The following RPTOR variants were observed in gnomAD, a reference collection of about 807,000 sequenced individuals.
RPTOR encodes the protein regulatory associated protein of MTOR complex 1.
A neutral mutation model predicts 169.9 loss-of-function variants in RPTOR; 21 were observed. The ratio of observed to expected loss-of-function variants is 0.12; its 90% CI spans 0.09 to 0.18. The LOEUF (loss-of-function observed/expected upper bound fraction) is 0.18. Ranked by LOEUF, RPTOR falls within the 10% of genes least tolerant of loss-of-function variation. The pLI, the probability that RPTOR is intolerant of heterozygous loss-of-function variation, is 1.00. For synonymous variants in RPTOR, 732 were observed against 753.2 expected (o/e 0.97, Z 0.46); for missense variants, 1,133 against 1,855.9 (o/e 0.61, Z 7.16).
intron 13 of RPTOR, among the ~76,000 whole-genome samples, chr17:80,877,419 AG>A (rs1466527936): frequency 6.6e-6 from 1 of 152,258 alleles, no homozygotes; most frequent in Non-Finnish European, 1.5e-5. Flanking sequence ...TGACCGTATC[AG>A]AACAGACATC....
At chr17:80,763,409 G>T (rs2066754662) in intron 6 of RPTOR, among the ~76,000 whole-genome samples, 1 of 152,220 alleles carries the variant, frequency 6.6e-6, no homozygotes, top group African/African-American at 2.4e-5. Context: ...AAAGAAAAAT[G>T]TTGTATTGTG....
rs1166740196 is a variant in RPTOR at position 80,708,937 on chromosome 17, T to C, written c.507+938T>C. The stretch of plus-strand genomic sequence containing the variant: ...GTGTGGACACCGCCTCCTGCCATCA[T>C]AGTGAGGACTCTGACTCCGTTTCTT... On this transcript the variant is annotated intron_variant, in intron 4 of 33. Coordinates refer to ENST00000306801, the MANE Select transcript of RPTOR (RefSeq NM_020761.3). The surrounding 1 kb of genome is among the most constrained non-coding windows in gnomAD (Gnocchi z 4.2). 5.1e-6 allele frequency: 5 copies of C among 985,768 alleles called. No individual in the cohort carries two copies. The highest frequency in any genetic ancestry group is 6.0e-6 in the Non-Finnish European group (5 of 829,910). The allele number at this position is 985,768 out of a possible 1,614,324, so 61.1% of individuals were successfully genotyped here. A position where few individuals can be genotyped will look rare whatever the true frequency, so the allele number is the denominator to read the frequency against.
intron 1 of RPTOR, among the ~76,000 whole-genome samples, chr17:80,612,069 G>A (rs773799824): frequency 7.2e-5 from 11 of 152,224 alleles, no homozygotes; most frequent in Non-Finnish European, 1.5e-4. Context: ...CATTACACCA[G>A]GAAGTGATCA....
chr17:80,755,362 A>G (rs2066669977), intron 6 of RPTOR, among the ~76,000 whole-genome samples: 1 of 152,152 alleles, frequency 6.6e-6, no homozygotes, highest in Non-Finnish European at 1.5e-5. Context: ...GCACTTTAGG[A>G]GGCTGAGGCA....
At position 80,728,026 on chromosome 17, in the gene RPTOR, GATGGATGGATGGATGA is replaced by G. The variant is rs985518120; in HGVS notation, c.508-2519_508-2504del. Among the ~76,000 whole-genome samples, 3 of 152,148 alleles carry G rather than the reference GATGGATGGATGGATGA, an allele frequency of 2.0e-5. No homozygotes were observed. In the East Asian group the frequency reaches 5.8e-4, roughly 29 times the overall value. ...GAATGGATGAATGAATGGATGGGCGGATGGATGGATGGATGAATGGATGGATGGATCGATAGGTAGA... is the reference window on the plus strand; with the variant it reads ...GAATGGATGAATGAATGGATGGGCGGATGGATGGATGGATCGATAGGTAGA... On this transcript the variant is annotated intron_variant, in intron 4 of 33. Transcript: ENST00000306801.
At chr17:80,615,540 G>A (rs542769330) in intron 1 of RPTOR, among the ~76,000 whole-genome samples, 2 of 152,310 alleles carry the variant, frequency 1.3e-5, no homozygotes, top group South Asian at 2.1e-4. Flanking sequence ...TCCCCATGGG[G>A]CATCTTAATG....
intron 2 of RPTOR, among the ~76,000 whole-genome samples, chr17:80,629,269 T>A (rs1264302586): frequency 6.6e-6 from 1 of 150,924 alleles, no homozygotes; most frequent in Non-Finnish European, 1.5e-5. Flanking sequence ...CTATGTATTG[T>A]GCTGTTGGAC....
chr17:80,648,505 C>A (rs985389990), intron 3 of RPTOR, among the ~76,000 whole-genome samples: 7 of 151,922 alleles, frequency 4.6e-5, no homozygotes, highest in African/African-American at 1.5e-4. Context: ...AACTGTGAAA[C>A]CCTTGGTATT....
chr17:80,628,644 T>A (rs979189574), intron 2 of RPTOR, among the ~76,000 whole-genome samples: 1 of 149,726 alleles, frequency 6.7e-6, no homozygotes, highest in Non-Finnish European at 1.5e-5. Flanking sequence ...CTCCCCACCC[T>A]TTTTTTTTTC....
chr17:80,738,166 A>G (rs3843963), intron 5 of RPTOR, among the ~76,000 whole-genome samples: 84,012 of 152,134 alleles, frequency 0.55, 23,453 homozygotes, highest in African/African-American at 0.59. Context: ...GGGCAGCCCC[A>G]GGGGGAGCAG....
intron 1 of RPTOR, 52 bp from the exon 2 acceptor site, chr17:80,625,639 A>G: frequency 7.3e-7 from 1 of 1,372,716 alleles, no homozygotes; most frequent in Non-Finnish European, 1.0e-6. Context: ...AAAAACACAT[A>G]AACGAGTTCC....
At chr17:80,608,584 T>C (rs2065245201) in intron 1 of RPTOR, among the ~76,000 whole-genome samples, 2 of 152,196 alleles carry the variant, frequency 1.3e-5, no homozygotes, top group Admixed American at 6.5e-5. Flanking sequence ...CGGACGTGAC[T>C]GAGGCGACAG....
chr17:80,688,201 A>C (rs1422080328), intron 3 of RPTOR, among the ~76,000 whole-genome samples: 1 of 152,150 alleles, frequency 6.6e-6, no homozygotes, highest in Non-Finnish European at 1.5e-5. Flanking sequence ...AGGACTTTTG[A>C]TGTATTAGCT....
intron 5 of RPTOR, among the ~76,000 whole-genome samples, chr17:80,749,893 T>C (rs528243343): frequency 2.2e-4 from 34 of 151,898 alleles, no homozygotes; most frequent in African/African-American, 8.2e-4. Context: ...TAAACAACTT[T>C]TTGTAGAGAC....
chr17:80,568,894 G>A (rs912075217), intron 1 of RPTOR, among the ~76,000 whole-genome samples: 3 of 152,138 alleles, frequency 2.0e-5, no homozygotes, highest in Admixed American at 2.0e-4. Flanking sequence ...GCCCAGGCTG[G>A]TCTTGAACTC....
At chr17:80,734,811 G>T (rs941171851) in intron 5 of RPTOR, among the ~76,000 whole-genome samples, 1 of 151,808 alleles carries the variant, frequency 6.6e-6, no homozygotes, top group Non-Finnish European at 1.5e-5. Context: ...GACATTCGGG[G>T]AAAAAAAATT....
intron 1 of RPTOR, among the ~76,000 whole-genome samples, chr17:80,576,974 G>T (rs1018317606): frequency 1.3e-5 from 2 of 151,792 alleles, no homozygotes; most frequent in African/African-American, 2.4e-5. Context: ...AAAATGCTGG[G>T]ATTACAGGCG....
intron 1 of RPTOR, among the ~76,000 whole-genome samples, chr17:80,597,811 G>A (rs771663224): frequency 6.6e-6 from 1 of 151,022 alleles, no homozygotes; most frequent in Non-Finnish European, 1.5e-5. Context: ...GCTGTGCCTG[G>A]CCATGTTTTT....
At chr17:80,755,315 A>G (rs8067796) in intron 6 of RPTOR, among the ~76,000 whole-genome samples, 396 of 152,314 alleles carry the variant, frequency 2.6e-3, no homozygotes, top group African/African-American at 9.0e-3. Context: ...GATGAAGGGA[A>G]GAGGGCTGGG....
Sources: allele counts gnomAD v4.1 joint callset (sites outside exome capture counted in the v4.1 genomes callset), GRCh38; gene constraint gnomAD v4.1.1; non-coding constraint Gnocchi (gnomAD v3.1); transcripts MANE v1.5; gene names NCBI Gene and HGNC (gene_info 2026-07-23, HGNC 2026-07-21).